Variants in SYNE1 observed in about 807,000 individuals in gnomAD.
SYNE1 encodes the protein spectrin repeat containing nuclear envelope protein 1, also known as nesprin-1.
Under a neutral mutation model 1,111.0 loss-of-function variants are expected in SYNE1, and 616 were observed. The observed-to-expected ratio is 0.55, with a 90% CI of 0.52 to 0.59. SYNE1 has a LOEUF of 0.59. Among genes scored for constraint, SYNE1 ranks in the 20% least tolerant of loss-of-function variants. The pLI is 0.00. For synonymous variants in SYNE1, 3,855 were observed against 3,825.8 expected (o/e 1.01, Z -0.28); for missense variants, 10,006 against 10,417.0 (o/e 0.96, Z 1.72).
intron 102 of SYNE1, 113 bp downstream of exon 102, chr6:152,256,521 T>C: frequency 7.3e-7 from 1 of 1,373,140 alleles, no homozygotes; most frequent in Non-Finnish European, 1.0e-6. Context: ...TCACTAGTGT[T>C]GGGTCTCATG....
chr6:152,148,951 C>G lies in SYNE1; in HGVS notation c.24642+526G>C, dbSNP rs2059969550. Reference sequence around the variant, plus strand: ...TTGATCGTAGAAGATTCCAAATACTCTAATAACATCTCTATAAGTAAGATG... The same window carrying G: ...TTGATCGTAGAAGATTCCAAATACTGTAATAACATCTCTATAAGTAAGATG... On this transcript the variant is annotated intron_variant, in intron 136 of 145. Coordinates refer to ENST00000367255, the MANE Select transcript of SYNE1 (RefSeq NM_182961.4). The surrounding 1 kb of genome is among the most constrained non-coding windows in gnomAD (Gnocchi z 4.1). 3.3e-5 allele frequency among the ~76,000 whole-genome samples: 5 copies of G among 152,090 alleles called. No individual in the cohort carries two copies. In the South Asian group the frequency reaches 1.0e-3, roughly 32 times the overall value.
chr6:152,398,487 A>C (rs1172416938), intron 49 of SYNE1, 132 bp downstream of exon 49: 2 of 759,324 alleles, frequency 2.6e-6, no homozygotes, highest in East Asian at 5.3e-5. Flanking sequence ...TTCTGACTCA[A>C]TCAGCCTAAT....
intron 93 of SYNE1, among the ~76,000 whole-genome samples, chr6:152,296,327 G>C (rs549533824): frequency 2.3e-4 from 35 of 152,258 alleles, no homozygotes; most frequent in African/African-American, 7.5e-4. Flanking sequence ...GCCAATATTG[G>C]TGAATTGATA....
At position 152,152,046 on chromosome 6, in the gene SYNE1, T is replaced by A. The variant is rs910415; in HGVS notation, c.24225A>T (p.Ala8075=). 29 of 1,614,064 alleles carry A rather than the reference T, an allele frequency of 1.8e-5. No homozygotes were observed. The African/African-American group carries it at 3.3e-4, about 19-fold the overall frequency. The part of the protein sequence containing the change: ...RLARENRTDS[A]CSLKQMVHEG... ...CGTGAACCATCTGTTTGAGGCTACA[T>A]GCTGAATCAGTGCGGTTCTCCCTGG... The change falls in exon 134 of 146, where the codon GCA becomes GCT. Residue 8075 remains alanine (A), a synonymous_variant. Coordinates refer to ENST00000367255, the MANE Select transcript of SYNE1 (RefSeq NM_182961.4).
intron 78 of SYNE1, among the ~76,000 whole-genome samples, chr6:152,327,127 T>C (rs1313577627): frequency 1.3e-5 from 2 of 152,076 alleles, no homozygotes; most frequent in African/African-American, 4.8e-5. Flanking sequence ...ACCGTGTCTC[T>C]ACTAAAAATA....
intron 39 of SYNE1, among the ~76,000 whole-genome samples, chr6:152,421,515 T>TA (rs901989673): frequency 6.6e-5 from 10 of 151,856 alleles, no homozygotes; most frequent in South Asian, 2.1e-4. Flanking sequence ...AATTATGTTT[T>TA]AAAAAAAACT....
At chr6:152,471,995 C>T (rs957337881) in intron 15 of SYNE1, 6 of 597,746 alleles carry the variant, frequency 1.0e-5, no homozygotes, top group Non-Finnish European at 1.8e-5. Flanking sequence ...CATCTCTCGT[C>T]TGTTTCTTTT....
At chr6:152,227,626 G>T (rs2081899814) in intron 115 of SYNE1, among the ~76,000 whole-genome samples, 1 of 152,084 alleles carries the variant, frequency 6.6e-6, no homozygotes, top group Non-Finnish European at 1.5e-5. Flanking sequence ...TCTGTAAAGA[G>T]ATTAAAAGAC....
intron 95 of SYNE1, among the ~76,000 whole-genome samples, chr6:152,291,145 TGC>T: frequency 2.3e-5 from 3 of 127,888 alleles, no homozygotes; most frequent in African/African-American, 8.8e-5. Context: ...TATTAATATA[TGC>T]AATTATATTA....
At position 152,471,582 on chromosome 6, in the gene SYNE1, G is replaced by A. The variant is rs766370427; in HGVS notation, c.1632+15C>T. On this transcript the variant is annotated intron_variant, in intron 16 of 145. Coordinates refer to ENST00000367255, the MANE Select transcript of SYNE1 (RefSeq NM_182961.4). ...TGGCTCATAGGAATTCTCTGTCAAA[G>A]CACGGGGGACTCACCACGTAGTTTT... is the stretch of plus-strand genomic sequence containing the variant. 2 of 1,613,068 alleles carry A rather than the reference G, an allele frequency of 1.2e-6. No homozygotes were observed. The highest frequency in any genetic ancestry group is 2.2e-5 in the South Asian group (2 of 91,056).
chr6:152,197,451 ACTAT>A (rs1205977641), intron 127 of SYNE1, among the ~76,000 whole-genome samples: 1 of 152,192 alleles, frequency 6.6e-6, no homozygotes, highest in Non-Finnish European at 1.5e-5. Context: ...CATAGGAATC[ACTAT>A]CTATGGCAGC....
Position 152,373,151 on chromosome 6 carries a change from C to G in SYNE1, c.9393G>C (p.Leu3131=), listed in dbSNP as rs371475398. Residue 3131 remains leucine, a synonymous_variant, in exon 59 of 146, where the codon CTG becomes CTC. Coordinates refer to ENST00000367255, the MANE Select transcript of SYNE1 (RefSeq NM_182961.4). ...CTTTCTCTTTGGTCAGCAGGGTACTCAGAAGTTCCCCTTTAGACAGCATCA... is the reference window on the plus strand; with the variant it reads ...CTTTCTCTTTGGTCAGCAGGGTACTGAGAAGTTCCCCTTTAGACAGCATCA... ...LNMMLSKGEL[L]STLLTKEKAK... is the part of the protein sequence containing the mutation. The G allele has an allele frequency of 2.5e-6, 4 of 1,613,998 alleles. No individual in the cohort carries two copies. In the African/African-American group the frequency reaches 5.3e-5, roughly 22 times the overall value.
In SYNE1 at chr6:152,149,533, A is replaced by G. The variant is rs761810954; in HGVS notation, c.24586T>C (p.Cys8196Arg). 2 of 1,613,754 alleles carry G rather than the reference A, an allele frequency of 1.2e-6. No homozygotes were observed. The highest frequency in any genetic ancestry group is 1.1e-5 in the South Asian group (1 of 91,080). ...TCCACACGCCCGAAGACCTCCTGGC[A>G]GTACCGTCGGAGCTCATCTAGTTCC... is the stretch of plus-strand genomic sequence containing the variant. ...EEELDELRRY[C>R]QEVFGRVERY... The change falls in exon 136 of 146, where the codon TGC (cysteine) becomes CGC (arginine). Residue 8196 changes from cysteine (C) to arginine (R), a missense_variant. Around this residue, in one of 7 missense-constraint regions of SYNE1, gnomAD observed 761 missense variants for 795.5 expected, o/e 0.96. Transcript: ENST00000367255.
chr6:152,472,138 T>G (rs1318379591), intron 15 of SYNE1, 163 bp downstream of exon 15: 1 of 647,338 alleles, frequency 1.5e-6, no homozygotes, highest in African/African-American at 1.8e-5. Flanking sequence ...AATAATACAT[T>G]AGAATGGTGG....
rs1472145744 is a variant in SYNE1 at position 152,330,452 on chromosome 6, G to T, written c.14233C>A (p.Gln4745Lys). ...AGCATCTTGTCTGGCTGCCAAGGCT[G>T]ACCTGTGCTGCGAAAACCTTCTTTT... is the stretch of plus-strand genomic sequence containing the variant. Reference protein sequence around the residue: ...QKKEGFRSTGQPWQPDKMLHL... With the variant: ...QKKEGFRSTGKPWQPDKMLHL... The change falls in exon 78 of 146, where the codon CAG (glutamine) becomes AAG (lysine). Residue 4745 changes from glutamine to lysine, a missense_variant. Transcript: ENST00000367255. 6.2e-7 allele frequency: 1 copy of T among 1,614,054 alleles called. No individual in the cohort carries two copies. The highest frequency in any genetic ancestry group is 8.5e-7 in the Non-Finnish European group (1 of 1,180,050).
At chr6:152,419,285 A>G (rs1386376051) in intron 40 of SYNE1, among the ~76,000 whole-genome samples, 1 of 152,228 alleles carries the variant, frequency 6.6e-6, no homozygotes, top group Non-Finnish European at 1.5e-5. Flanking sequence ...AAGCTTAAAA[A>G]TGGACATTCT....
At chr6:152,314,915 C>T (rs1290989797) in intron 87 of SYNE1, among the ~76,000 whole-genome samples, 1 of 132,848 alleles carries the variant, frequency 7.5e-6, no homozygotes, top group African/African-American at 2.7e-5. Flanking sequence ...CGGCTCACTG[C>T]AATGATGACG....
intron 50 of SYNE1, among the ~76,000 whole-genome samples, chr6:152,396,218 C>T (rs1170726727): frequency 6.6e-6 from 1 of 152,160 alleles, no homozygotes; most frequent in Non-Finnish European, 1.5e-5. Flanking sequence ...CTCAAGAGCT[C>T]TAAGTTTTGG....
chr6:152,332,039 A>C lies in SYNE1; in HGVS notation c.12795-149T>G, dbSNP rs1241839157. ...AGGCTGGAGTGCAATGAATGCTCTG[A>C]TCTCAGCTCACGGCAACCTCCGCCT... On this transcript the variant is annotated intron_variant, in intron 77 of 145. Transcript: ENST00000367255. 4.3e-6 allele frequency: 5 copies of C among 1,176,418 alleles called. No homozygotes were observed. In the East Asian group the frequency reaches 1.2e-4, roughly 29 times the overall value. The allele number at this position is 1,176,418 out of a possible 1,614,324, so 72.9% of individuals were successfully genotyped here.
Sources: allele counts gnomAD v4.1 joint callset (sites outside exome capture counted in the v4.1 genomes callset), GRCh38; gene constraint gnomAD v4.1.1; regional missense constraint gnomAD v4.1.1; non-coding constraint Gnocchi (gnomAD v3.1); transcripts MANE v1.5; gene names NCBI Gene and HGNC (gene_info 2026-07-23, HGNC 2026-07-21).